ZNF517: variants seen among roughly 807,000 people sequenced by gnomAD.
ZNF517 encodes zinc finger protein 517.
Under a neutral mutation model 12.1 loss-of-function variants are expected in ZNF517, and 12 were observed. That is an observed-to-expected ratio of 0.99 (90% CI 0.63 to 1.61). ZNF517 has a LOEUF of 1.61. Ranked by LOEUF, ZNF517 falls within the 40% of genes most tolerant of loss-of-function variation. The pLI is 0.00. For synonymous variants in ZNF517, 388 were observed against 310.2 expected (o/e 1.25, Z -2.63); for missense variants, 781 against 693.2 (o/e 1.13, Z -1.42).
At chr8:144,801,258 C>T (rs1168368340) in intron 1 of ZNF517, among the ~76,000 whole-genome samples, 3 of 152,180 alleles carry the variant, frequency 2.0e-5, no homozygotes, top group Non-Finnish European at 4.4e-5. Context: ...CACAAGAGCT[C>T]AAGTGTCTGT....
Position 144,807,674 on chromosome 8 carries a change from G to C in ZNF517, c.758G>C (p.Arg253Pro). The C allele has an allele frequency of 6.2e-7, 1 of 1,608,014 alleles. No individual in the cohort carries two copies. Residue 253 changes from arginine to proline, a missense_variant, in exon 5 of 5, where the codon CGC becomes CCC. Transcript: ENST00000359971. The part of the protein sequence containing the change: ...RQSTQLAAHH[R>P]VHTRERPYAC... ...AGCACGCAGCTGGCTGCCCACCACC[G>C]CGTCCACACCCGCGAGCGGCCCTAC...
intron 1 of ZNF517, among the ~76,000 whole-genome samples, chr8:144,801,679 G>A (rs1586759867): frequency 3.3e-5 from 5 of 152,148 alleles, no homozygotes; most frequent in Admixed American, 1.3e-4. Flanking sequence ...GGGTTTCACC[G>A]TGTTAGCCAG....
chr8:144,811,133 T>C (rs1391327316), downstream of ZNF517: 3 of 152,300 alleles, frequency 2.0e-5, no homozygotes, highest in African/African-American at 7.2e-5. Context: ...TTGTAGCTTC[T>C]GTTGCTCTCC....
rs544666687 is a variant in ZNF517, at chr8:144,809,721, C to G, written c.*1326C>G. On this transcript the variant is annotated 3_prime_UTR_variant, in exon 5 of 5. Coordinates refer to ENST00000359971, the MANE Select transcript of ZNF517 (RefSeq NM_213605.3). ...GCAGACAGCCTATGGGAGGACTTCTCAGCCTCCATAAGTGTGTGGGCCAGT... is the reference window on the plus strand; with the variant it reads ...GCAGACAGCCTATGGGAGGACTTCTGAGCCTCCATAAGTGTGTGGGCCAGT... 20 of 154,420 alleles carry G rather than the reference C, an allele frequency of 1.3e-4. No homozygotes were observed. The highest frequency in any genetic ancestry group is 4.8e-4 in the African/African-American group (20 of 41,646). 9.6% of individuals were successfully genotyped at this position (154,420 alleles called of 1,614,324 possible). A position where few individuals can be genotyped will look rare whatever the true frequency, so the allele number is the denominator to read the frequency against.
chr8:144,803,505 C>A (rs997500856), intron 2 of ZNF517, 136 bp from the exon 3 acceptor site: 2 of 1,260,054 alleles, frequency 1.6e-6, no homozygotes, highest in African/African-American at 1.5e-5. Context: ...TTGGGCTGCC[C>A]TTTCTCTGCT....
At chr8:144,810,568 A>T (rs1827525383), downstream of ZNF517, 3 of 249,244 alleles carry the variant, frequency 1.2e-5, no homozygotes, top group Non-Finnish European at 2.3e-5. Context: ...GGCCATGGGC[A>T]GGAAAGCACG....
chr8:144,807,306 G>C lies in ZNF517; in HGVS notation c.390G>C (p.Gly130=), dbSNP rs772524750. 1 of 1,550,158 alleles carries C rather than the reference G, an allele frequency of 6.5e-7. No homozygotes were observed. Among genetic ancestry groups the C allele is most frequent in the Admixed American group, 1.9e-5 (1 of 51,292 alleles). Residue 130 remains glycine, a synonymous_variant, in exon 5 of 5, where the codon GGG becomes GGC. Transcript: ENST00000359971. Reference sequence around the variant, plus strand: ...TCCCCTGGGGGCACCCTGTGGGGGGGCACCCTGCACCACCCCACCCGCATG... The same window carrying C: ...TCCCCTGGGGGCACCCTGTGGGGGGCCACCCTGCACCACCCCACCCGCATG... ...GCLPWGHPVG[G]HPAPPHPHGG... is the part of the protein sequence containing the mutation.
At chr8:144,811,865 CAG>C (rs1827566814), downstream of ZNF517, among the ~76,000 whole-genome samples, 1 of 126,962 alleles carries the variant, frequency 7.9e-6, no homozygotes, top group Non-Finnish European at 1.6e-5. Flanking sequence ...AAGGCTGAGA[CAG>C]GGTGGGAGAG....
chr8:144,809,166 C>T lies in ZNF517; in HGVS notation c.*771C>T, dbSNP rs1193540164. The stretch of plus-strand genomic sequence containing the variant: ...GTTTAAAAAAAAAAAGCCTAGATGG[C>T]TGGTGGAGCTCTATCTATCTATCTA... On this transcript the variant is annotated 3_prime_UTR_variant, in exon 5 of 5. Transcript: ENST00000359971. 1 of 142,166 alleles carries T rather than the reference C, an allele frequency of 7.0e-6. No homozygotes were observed. The highest frequency in any genetic ancestry group is 1.5e-5 in the Non-Finnish European group (1 of 66,044). 8.8% of individuals were successfully genotyped at this position (142,166 alleles called of 1,614,324 possible). A position where few individuals can be genotyped will look rare whatever the true frequency, so the allele number is the denominator to read the frequency against.
chr8:144,800,179 A>T (rs1826888385), intron 1 of ZNF517, among the ~76,000 whole-genome samples: 1 of 150,690 alleles, frequency 6.6e-6, no homozygotes, highest in African/African-American at 2.4e-5. Flanking sequence ...CCCCAGTAAC[A>T]TTTCTTGGTG....
rs1170715529 is a variant in ZNF517, at chr8:144,809,707, A to G, written c.*1312A>G. 1.3e-5 allele frequency: 2 copies of G among 153,636 alleles called. No homozygotes were observed. The highest frequency in any genetic ancestry group is 4.8e-5 in the African/African-American group (2 of 41,486). 9.5% of individuals were successfully genotyped at this position (153,636 alleles called of 1,614,324 possible). On this transcript the variant is annotated 3_prime_UTR_variant, in exon 5 of 5. Transcript: ENST00000359971. ...TAGGTCTCCAGCTTGCAGACAGCCT[A>G]TGGGAGGACTTCTCAGCCTCCATAA...
At chr8:144,803,176 C>G in intron 2 of ZNF517, 1 of 582,672 alleles carries the variant, frequency 1.7e-6, no homozygotes, top group Non-Finnish European at 3.0e-6. Flanking sequence ...CCTCTGGCCC[C>G]TGAGCTTCTA....
At chr8:144,805,347 T>C (rs2979085) in intron 4 of ZNF517, among the ~76,000 whole-genome samples, 11,926 of 152,288 alleles carry the variant, frequency 0.078, 1,050 homozygotes, top group African/African-American at 0.21. Context: ...ATTATTATTT[T>C]TGAGATGGAG....
chr8:144,807,813 C>T lies in ZNF517; in HGVS notation c.897C>T (p.Cys299=), dbSNP rs538399978. ...GCACAGAGTGCGGCAAGGCGTTCTG[C>T]CGCAGGTTCACCCTCAACGAGCACG... is the stretch of plus-strand genomic sequence containing the variant. The part of the protein sequence containing the change: ...FACTECGKAF[C]RRFTLNEHGR... The change falls in exon 5 of 5, where the codon TGC becomes TGT. Residue 299 remains cysteine (C), a synonymous_variant. Transcript: ENST00000359971. 5.0e-6 allele frequency: 8 copies of T among 1,609,974 alleles called. No individual in the cohort carries two copies. The highest frequency in any genetic ancestry group is 4.4e-5 in the South Asian group (4 of 90,882).
rs1319570640 is a variant in ZNF517 at position 144,809,179 on chromosome 8, A to G, written c.*784A>G. The G allele has an allele frequency of 1.9e-5, 1 of 53,520 alleles. No homozygotes were observed. Among genetic ancestry groups the G allele is most frequent in the African/African-American group, 1.3e-4 (1 of 7,852 alleles). 3.3% of individuals were successfully genotyped at this position (53,520 alleles called of 1,614,324 possible). A position where few individuals can be genotyped will look rare whatever the true frequency, so the allele number is the denominator to read the frequency against. On this transcript the variant is annotated 3_prime_UTR_variant, in exon 5 of 5. Transcript: ENST00000359971. ...AAGCCTAGATGGCTGGTGGAGCTCTATCTATCTATCTATCTATCTATCTCT... is the reference window on the plus strand; with the variant it reads ...AAGCCTAGATGGCTGGTGGAGCTCTGTCTATCTATCTATCTATCTATCTCT...
intron 1 of ZNF517, among the ~76,000 whole-genome samples, chr8:144,801,100 A>G (rs1355993939): frequency 2.0e-5 from 3 of 152,178 alleles, no homozygotes; most frequent in Non-Finnish European, 2.9e-5. Flanking sequence ...AAGTGCTGGA[A>G]TTACAGGCAT....
Position 144,807,424 on chromosome 8 carries a change from C to T in ZNF517, c.508C>T (p.Pro170Ser), listed in dbSNP as rs1261567685. The stretch of plus-strand genomic sequence containing the variant: ...GGTTCTGCAGGAAGACCTGGGCCGG[C>T]CTGTGGGGAGCTCAGCCCCCCGCTA... ...PRVLQEDLGR[P>S]VGSSAPRYRC... The change falls in exon 5 of 5, where the codon CCT becomes TCT. Residue 170 changes from proline (P) to serine (S), a missense_variant. Coordinates refer to ENST00000359971, the MANE Select transcript of ZNF517 (RefSeq NM_213605.3). The T allele has an allele frequency of 1.3e-6, 2 of 1,568,670 alleles. No homozygotes were observed. Among genetic ancestry groups the T allele is most frequent in the Non-Finnish European group, 1.7e-6 (2 of 1,157,432 alleles).
At chr8:144,804,978 T>G (rs1827148440) in intron 4 of ZNF517, among the ~76,000 whole-genome samples, 1 of 152,222 alleles carries the variant, frequency 6.6e-6, no homozygotes, top group African/African-American at 2.4e-5. Context: ...AGGGAGACGG[T>G]CAGGCCTCAG....
In ZNF517 at chr8:144,808,345, G is replaced by C. The variant is rs117733286; in HGVS notation, c.1429G>C (p.Glu477Gln). The C allele has an allele frequency of 3.8e-3, 5,552 of 1,475,276 alleles. 13 individuals carry two copies. The highest frequency in any genetic ancestry group is 4.7e-3 in the Non-Finnish European group (5,250 of 1,110,870). The allele number at this position is 1,475,276 out of a possible 1,614,324, so 91.4% of individuals were successfully genotyped here. A position where few individuals can be genotyped will look rare whatever the true frequency, so the allele number is the denominator to read the frequency against. ...LIQHQKVHGR[E>Q]PGEDTEGRRA... ...CCAGCACCAGAAGGTGCACGGCCGC[G>C]AGCCCGGGGAGGACACAGAGGGCAG... Residue 477 changes from glutamate (E) to glutamine (Q), a missense_variant, in exon 5 of 5, where the codon GAG becomes CAG. Glu to Gln is a conservative substitution (Grantham distance 29, BLOSUM62 2). Transcript: ENST00000359971.
Sources: allele counts gnomAD v4.1 joint callset (sites outside exome capture counted in the v4.1 genomes callset), GRCh38; gene constraint gnomAD v4.1.1; transcripts MANE v1.5; gene names NCBI Gene and HGNC (gene_info 2026-07-23, HGNC 2026-07-21).